RET: variants seen among roughly 807,000 people sequenced by gnomAD.
The protein encoded by RET is proto-oncogene tyrosine-protein kinase receptor Ret.
In RET, 19 loss-of-function variants were observed where a neutral mutation model predicts 118.3. The ratio of observed to expected loss-of-function variants is 0.16; its 90% CI spans 0.11 to 0.24. RET has a LOEUF of 0.24. RET is among the 10% of genes least tolerant of loss of function. The pLI, the probability that RET is intolerant of heterozygous loss-of-function variation, is 1.00. For missense variants in RET, 1,219 were observed against 1,502.1 expected (o/e 0.81, Z 3.12); for synonymous variants, 597 against 644.1 (o/e 0.93, Z 1.11).
Position 43,119,680 on chromosome 10 carries a change from A to T in RET, c.2542A>T (p.Met848Leu), listed in dbSNP as rs794728685. ...CCACCCGGATGAGCGGGCCCTCACC[A>T]TGGGCGACCTCATCTCATTTGCCTG... ...LDHPDERALTMGDLISFAWQI... is the reference protein window; with the variant it reads ...LDHPDERALTLGDLISFAWQI... The change falls in exon 14 of 20, where the codon ATG becomes TTG. Residue 848 changes from methionine (M) to leucine (L), a missense_variant. Physicochemically the swap from Met to Leu is conservative, Grantham distance 15. Coordinates refer to ENST00000355710, the MANE Select transcript of RET (RefSeq NM_020975.6). 4.3e-6 allele frequency: 7 copies of T among 1,613,458 alleles called. No individual in the cohort carries two copies. The highest frequency in any genetic ancestry group is 5.9e-6 in the Non-Finnish European group (7 of 1,179,928).
At chr10:43,099,378 G>T (rs1837585873) in intron 1 of RET, among the ~76,000 whole-genome samples, 1 of 152,096 alleles carries the variant, frequency 6.6e-6, no homozygotes, top group Admixed American at 6.5e-5. Flanking sequence ...GGGCATGGTG[G>T]TGCATGCCTG....
chr10:43,106,414 C>T lies in RET; in HGVS notation c.906C>T (p.Asp302=), dbSNP rs768934031. 13 of 1,613,072 alleles carry T rather than the reference C, an allele frequency of 8.1e-6. No individual in the cohort carries two copies. The highest frequency in any genetic ancestry group is 3.3e-5 in the South Asian group (3 of 91,040). The change falls in exon 5 of 20, where the codon GAC becomes GAT. Residue 302 remains aspartate, a synonymous_variant. Transcript: ENST00000355710. This position sits in a 1 kb window ranked among gnomAD's most constrained non-coding sequence, Gnocchi z 5.1. The part of the protein sequence containing the change: ...VVATLRVFDA[D]VVPASGELVR... The stretch of plus-strand genomic sequence containing the variant: ...CCACGCTGCGTGTCTTCGATGCAGA[C>T]GTGGTACCTGCATCAGGGGAGCTGG...
chr10:43,124,685 A>G (rs1300621330), intron 17 of RET, among the ~76,000 whole-genome samples, 198 bp from the exon 18 acceptor site: 2 of 152,244 alleles, frequency 1.3e-5, no homozygotes, highest in Non-Finnish European at 2.9e-5. Flanking sequence ...ACAGTGGCCC[A>G]CGGGCTGGGA....
chr10:43,120,360 A>T (rs1007006954), intron 15 of RET, among the ~76,000 whole-genome samples, 157 bp downstream of exon 15: 2 of 152,242 alleles, frequency 1.3e-5, no homozygotes, highest in South Asian at 2.1e-4. Context: ...CTGGGTCCCC[A>T]AGGACCCAAT....
chr10:43,100,814 TG>T, intron 2 of RET, 92 bp downstream of exon 2: 1 of 1,368,038 alleles, frequency 7.3e-7, no homozygotes, highest in Non-Finnish European at 1.0e-6. Flanking sequence ...AAGCTTGGCA[TG>T]GCTTCCCCCC....
rs1837915657 is a variant in RET, at chr10:43,111,260, G to A, written c.1317G>A (p.Gln439=). ...NCQAFSGINV[Q]YKLHSSGANC... Reference sequence around the variant, plus strand: ...AGGCATTCAGTGGCATCAACGTCCAGTACAAGCTGCATTCCTCTGGTGCCA... The same window carrying A: ...AGGCATTCAGTGGCATCAACGTCCAATACAAGCTGCATTCCTCTGGTGCCA... The change falls in exon 7 of 20, where the codon CAG becomes CAA. Residue 439 remains glutamine, a synonymous_variant. Coordinates refer to ENST00000355710, the MANE Select transcript of RET (RefSeq NM_020975.6). 1 of 1,614,070 alleles carries A rather than the reference G, an allele frequency of 6.2e-7. No individual in the cohort carries two copies. The highest frequency in any genetic ancestry group is 8.5e-7 in the Non-Finnish European group (1 of 1,180,048).
intron 15 of RET, among the ~76,000 whole-genome samples, chr10:43,121,628 T>C (rs1007339226): frequency 4.6e-5 from 7 of 152,148 alleles, no homozygotes; most frequent in African/African-American, 1.7e-4. Flanking sequence ...CCAGGGGAGA[T>C]CTTGCAGGGG....
intron 15 of RET, 90 bp downstream of exon 15, chr10:43,120,293 C>G (rs577612675): frequency 1.3e-6 from 2 of 1,550,522 alleles, no homozygotes; most frequent in East Asian, 2.3e-5. Context: ...AGGAAAGATA[C>G]CGAAGATTAG....
At chr10:43,081,079 A>G in intron 1 of RET, among the ~76,000 whole-genome samples, 1 of 152,096 alleles carries the variant, frequency 6.6e-6, no homozygotes, top group Admixed American at 6.5e-5. Flanking sequence ...AAGCCAGGGA[A>G]TAGGGGCAAA....
rs1838412681 is a variant in RET at position 43,129,932 on chromosome 10, G to A, written c.*1663G>A. On this transcript the variant is annotated 3_prime_UTR_variant, in exon 20 of 20. Coordinates refer to ENST00000355710, the MANE Select transcript of RET (RefSeq NM_020975.6). ...CTTTTGGTTTTCAGATATGCTTAAT[G>A]ATAGTCTTACTAAATGCAGAAATAA... The A allele has an allele frequency of 2.5e-6, 1 of 398,988 alleles. No individual in the cohort carries two copies. The highest frequency in any genetic ancestry group is 4.4e-6 in the Non-Finnish European group (1 of 226,070). 24.7% of individuals were successfully genotyped at this position (398,988 alleles called of 1,614,324 possible). A position where few individuals can be genotyped will look rare whatever the true frequency, so the allele number is the denominator to read the frequency against.
At chr10:43,087,636 A>G (rs1333335214) in intron 1 of RET, among the ~76,000 whole-genome samples, 1 of 152,216 alleles carries the variant, frequency 6.6e-6, no homozygotes, top group Non-Finnish European at 1.5e-5. Flanking sequence ...GTGCTCCCGA[A>G]GAGGGGCTTC....
intron 1 of RET, among the ~76,000 whole-genome samples, chr10:43,077,747 C>T (rs577437943): frequency 1.3e-5 from 2 of 152,346 alleles, no homozygotes; most frequent in East Asian, 3.9e-4. Flanking sequence ...AGTTCTGTTT[C>T]GGCAGGAGAC....
chr10:43,125,334 C>T (rs1322381313), intron 18 of RET, among the ~76,000 whole-genome samples: 1 of 152,266 alleles, frequency 6.6e-6, no homozygotes, highest in African/African-American at 2.4e-5. Context: ...TTCAGATGCC[C>T]AGAGGGGGGT....
rs1488169498 is a variant in RET at position 43,105,109 on chromosome 10, C to A, written c.783C>A (p.Thr261=). The change falls in exon 4 of 20, where the codon ACC becomes ACA. Residue 261 remains threonine, a synonymous_variant. Coordinates refer to ENST00000355710, the MANE Select transcript of RET (RefSeq NM_020975.6). ...TGGTGATGGTGCCCTTCCCGGTGAC[C>A]GTGTACGACGAGGACGACTCGGCGC... ...EEVVMVPFPV[T]VYDEDDSAPT... 6.2e-7 allele frequency: 1 copy of A among 1,612,394 alleles called. No homozygotes were observed. The highest frequency in any genetic ancestry group is 8.5e-7 in the Non-Finnish European group (1 of 1,179,798).
chr10:43,077,986 G>A (rs114927139), intron 1 of RET, among the ~76,000 whole-genome samples: 2 of 152,224 alleles, frequency 1.3e-5, no homozygotes, highest in Non-Finnish European at 2.9e-5. Context: ...GTCGTGTGGC[G>A]CTGCCTGGCA....
intron 1 of RET, among the ~76,000 whole-genome samples, chr10:43,078,174 G>A (rs1288070601): frequency 1.3e-5 from 2 of 152,238 alleles, no homozygotes; most frequent in Non-Finnish European, 2.9e-5. Flanking sequence ...AGAGTGAGCC[G>A]CAAGGCTGTG....
At chr10:43,126,433 C>G in intron 18 of RET, 142 bp from the exon 19 acceptor site, 1 of 814,510 alleles carries the variant, frequency 1.2e-6, no homozygotes. Context: ...GCAGCCTGGC[C>G]CTGGTCTCTT....
At chr10:43,078,126 C>T (rs1036638918) in intron 1 of RET, among the ~76,000 whole-genome samples, 8 of 152,228 alleles carry the variant, frequency 5.3e-5, no homozygotes, top group African/African-American at 1.7e-4. Flanking sequence ...TAGGTGTGGC[C>T]TTGCAAAGAT....
intron 13 of RET, among the ~76,000 whole-genome samples, chr10:43,119,309 C>T (rs1187741596): frequency 5.3e-5 from 8 of 152,318 alleles, no homozygotes; most frequent in East Asian, 1.9e-4. Context: ...GGCACCCACA[C>T]GAGCAGCAGG....
Sources: allele counts gnomAD v4.1 joint callset (sites outside exome capture counted in the v4.1 genomes callset), GRCh38; gene constraint gnomAD v4.1.1; non-coding constraint Gnocchi (gnomAD v3.1); transcripts MANE v1.5; gene names NCBI Gene and HGNC (gene_info 2026-07-23, HGNC 2026-07-21).